PER1: variants seen among roughly 807,000 people sequenced by gnomAD.
PER1 encodes period circadian regulator 1.
In PER1, 87 loss-of-function variants were observed where a neutral mutation model predicts 125.9. The ratio of observed to expected loss-of-function variants is 0.69; its 90% CI spans 0.58 to 0.83. PER1 has a LOEUF of 0.83. Among genes scored for constraint, PER1 ranks in the 40% least tolerant of loss-of-function variants. The pLI is 0.00. For missense variants in PER1, 1,775 were observed against 1,722.8 expected, an observed-to-expected ratio of 1.03 and a Z score of -0.54; for synonymous variants, 801 against 714.7, an observed-to-expected ratio of 1.12 and a Z score of -1.93.
rs962651678 is a variant in PER1, at chr17:8,145,856, C to T, written c.2218+102G>A. The stretch of plus-strand genomic sequence containing the variant: ...CAAGCCCCAGGTCAAGGGAGGCCTC[C>T]TTCTCTCCATCAGGCCCTAGAGGGG... On this transcript the variant is annotated intron_variant, in intron 17 of 22. Coordinates refer to ENST00000317276, the MANE Select transcript of PER1 (RefSeq NM_002616.3). 3.0e-6 allele frequency: 4 copies of T among 1,344,596 alleles called. No individual in the cohort carries two copies. In the African/African-American group the frequency reaches 5.9e-5, roughly 20 times the overall value. 83.3% of individuals were successfully genotyped at this position (1,344,596 alleles called of 1,614,324 possible).
In PER1 at chr17:8,140,793, T is replaced by C. The variant is rs1448569592; in HGVS notation, c.*275A>G. The C allele has an allele frequency of 4.7e-6, 2 of 421,560 alleles. No homozygotes were observed. The highest frequency in any genetic ancestry group is 3.6e-5 in the Admixed American group (1 of 27,854). 26.1% of individuals were successfully genotyped at this position (421,560 alleles called of 1,614,324 possible). A position where few individuals can be genotyped will look rare whatever the true frequency, so the allele number is the denominator to read the frequency against. On this transcript the variant is annotated 3_prime_UTR_variant, in exon 23 of 23. Transcript: ENST00000317276. The stretch of plus-strand genomic sequence containing the variant: ...AATATGGAGAGGCCACTTCAGCAGC[T>C]TGTCAGCAACTTTGTCCAGGGGAGG...
intron 13 of PER1, 76 bp downstream of exon 13, chr17:8,147,174 T>C: frequency 6.5e-7 from 1 of 1,528,398 alleles, no homozygotes; most frequent in Non-Finnish European, 8.9e-7. Flanking sequence ...GGCAAGACTC[T>C]GGGACTGGCA....
chr17:8,146,549 G>C (rs1046236673), intron 15 of PER1, 45 bp downstream of exon 15: 33 of 1,602,568 alleles, frequency 2.1e-5, no homozygotes, highest in Non-Finnish European at 2.6e-5. Flanking sequence ...CTTGGGGTGG[G>C]CAGGGTTAGA....
Position 8,146,367 on chromosome 17 carries a change from T to C in PER1, c.2038+5A>G. The C allele has an allele frequency of 6.3e-7, 1 of 1,596,968 alleles. No homozygotes were observed. Among genetic ancestry groups the C allele is most frequent in the South Asian group, 1.1e-5 (1 of 88,044 alleles). ...CAGTGGGAGCAGGGTGCATTGGATC[T>C]TTACCTTTCTTGGTCCCCACAGAGA... On this transcript the variant is annotated splice_donor_5th_base_variant and intron_variant, in intron 16 of 22. Coordinates refer to ENST00000317276, the MANE Select transcript of PER1 (RefSeq NM_002616.3).
chr17:8,148,811 G>A (rs1982629201), intron 7 of PER1, 25 bp from the exon 8 acceptor site: 1 of 1,611,070 alleles, frequency 6.2e-7, no homozygotes. Flanking sequence ...AGGAGCATTA[G>A]GGACTTTCAA....
chr17:8,149,060 ATG>A (rs1207958077), intron 7 of PER1, 197 bp downstream of exon 7: 2 of 621,322 alleles, frequency 3.2e-6, no homozygotes, highest in South Asian at 3.8e-5. Context: ...GTGGTGGCGC[ATG>A]CCTGTAATCC....
In PER1 at chr17:8,146,431, G is replaced by A. The variant is rs775971325; in HGVS notation, c.1979C>T (p.Ser660Phe). Reference sequence around the variant, plus strand: ...CTGCCTGTCGTCGTCAGAGGCTGAGGAGGTGGTATAGGAGGAGGAGGAGGC... The same window carrying A: ...CTGCCTGTCGTCGTCAGAGGCTGAGAAGGTGGTATAGGAGGAGGAGGAGGC... ...KCASSSSYTT[S>F]SASDDDRQRT... Residue 660 changes from serine (S) to phenylalanine (F), a missense_variant, in exon 16 of 23, where the codon TCC becomes TTC. By Grantham distance (155) the Ser-to-Phe change is radical. Coordinates refer to ENST00000317276, the MANE Select transcript of PER1 (RefSeq NM_002616.3). 1.2e-5 allele frequency: 20 copies of A among 1,613,782 alleles called. No homozygotes were observed. The highest frequency in any genetic ancestry group is 7.7e-5 in the South Asian group (7 of 91,036).
intron 18 of PER1, 135 bp from the exon 19 acceptor site, chr17:8,144,011 G>A (rs570492881): frequency 1.6e-5 from 21 of 1,349,210 alleles, no homozygotes; most frequent in Middle Eastern, 2.6e-4. Context: ...CACACAGAAC[G>A]GGGGACTCAG....
chr17:8,148,916 C>T (rs1428782796), intron 7 of PER1, 130 bp from the exon 8 acceptor site: 19 of 1,061,142 alleles, frequency 1.8e-5, no homozygotes, highest in Middle Eastern at 2.0e-4. Flanking sequence ...AGGCCGGGCA[C>T]GGTGGCTCAC....
chr17:8,144,914 AG>A lies in PER1; in HGVS notation c.2297del (p.Pro766LeufsTer13). On this transcript the variant is annotated frameshift_variant, in exon 18 of 23. Transcript: ENST00000317276. LOFTEE classifies it high-confidence loss of function. ...GACGGTAGGCGTCTGGGGCTGGGTC[AG>A]GGGCTACTGTGGGGCTGGGGGCTGG... ...PSPAPSPTVAPDPAPDAYRPV... is the reference protein window; with the variant it reads ...PSPAPSPTVAXDPAPDAYRPV... 1 of 1,535,458 alleles carries A rather than the reference AG, an allele frequency of 6.5e-7. No homozygotes were observed.
intron 20 of PER1, 94 bp from the exon 21 acceptor site, chr17:8,142,552 C>T: frequency 1.3e-6 from 2 of 1,558,884 alleles, no homozygotes; most frequent in Non-Finnish European, 1.7e-6. Flanking sequence ...ACATGTCCAT[C>T]CCAGTGGCCT....
At chr17:8,149,377 A>G in intron 6 of PER1, 67 bp from the exon 7 acceptor site, 1 of 1,604,354 alleles carries the variant, frequency 6.2e-7, no homozygotes, top group Non-Finnish European at 8.5e-7. Context: ...AGAATCCACT[A>G]AGGGAAAGTC....
chr17:8,147,989 G>A lies in PER1; in HGVS notation c.1234+8C>T, dbSNP rs866281354. On this transcript the variant is annotated splice_region_variant and intron_variant, in intron 10 of 22. Coordinates refer to ENST00000317276, the MANE Select transcript of PER1 (RefSeq NM_002616.3). ...GTGGGAAGGGCGAGCAGGGCGAGAG[G>A]AACTCACTCTTCTTGTGGATAGCCA... The A allele has an allele frequency of 2.5e-6, 4 of 1,608,624 alleles. No individual in the cohort carries two copies. Among genetic ancestry groups the A allele is most frequent in the South Asian group, 1.1e-5 (1 of 90,540 alleles).
chr17:8,147,162 C>A, intron 13 of PER1, 88 bp downstream of exon 13: 1 of 1,498,508 alleles, frequency 6.7e-7, no homozygotes, highest in East Asian at 2.4e-5. Context: ...AAAGGAGGAT[C>A]GGGCAAGACT....
rs1982327032 is a variant in PER1 at position 8,144,896 on chromosome 17, GGCGTCTGGGGCT to G, written c.2304_2315del (p.Ala769_Ala772del). On this transcript the variant is annotated inframe_deletion, in exon 18 of 23. Transcript: ENST00000317276. ...CCTTGGTCAGCCCCACTGGACGGTAGGCGTCTGGGGCTGGGTCAGGGGCTACTGTGGGGCTGG... is the reference window on the plus strand; with the variant it reads ...CCTTGGTCAGCCCCACTGGACGGTAGGGGTCAGGGGCTACTGTGGGGCTGG... 1 of 1,557,184 alleles carries G rather than the reference GGCGTCTGGGGCT, an allele frequency of 6.4e-7. No homozygotes were observed. The highest frequency in any genetic ancestry group is 2.3e-5 in the East Asian group (1 of 43,494).
intron 18 of PER1, chr17:8,144,127 T>C (rs1195172981): frequency 2.0e-6 from 1 of 512,522 alleles, no homozygotes; most frequent in Non-Finnish European, 3.4e-6. Context: ...GAGCTGGGGG[T>C]GTGCGGAAGA....
At chr17:8,142,198 C>T (rs904400300) in intron 21 of PER1, 71 bp downstream of exon 21, 9 of 1,303,718 alleles carry the variant, frequency 6.9e-6, no homozygotes, top group East Asian at 2.3e-5. Context: ...GCAGAGCCAG[C>T]CCCAGAAAAG....
At chr17:8,145,324 C>CTTTT (rs398030276) in intron 17 of PER1, among the ~76,000 whole-genome samples, 1,530 of 125,492 alleles carry the variant, frequency 0.012, 66 homozygotes, top group African/African-American at 0.023. Context: ...TTTCTTGTTT[C>CTTTT]TTTTTTTTTT....
Position 8,147,008 on chromosome 17 carries a change from G to C in PER1, c.1630-6C>G. The C allele has an allele frequency of 1.2e-6, 2 of 1,609,880 alleles. No individual in the cohort carries two copies. The highest frequency in any genetic ancestry group is 2.7e-5 in the African/African-American group (2 of 74,932). ...CAGATCTGCTGGAAAGTCACCTGTG[G>C]GACACAGCACCACAGTGAGCAGAAC... On this transcript the variant is annotated splice_polypyrimidine_tract_variant and splice_region_variant and intron_variant, in intron 13 of 22. Coordinates refer to ENST00000317276, the MANE Select transcript of PER1 (RefSeq NM_002616.3).
Sources: allele counts gnomAD v4.1 joint callset (sites outside exome capture counted in the v4.1 genomes callset), GRCh38; gene constraint gnomAD v4.1.1; transcripts MANE v1.5; gene names NCBI Gene and HGNC (gene_info 2026-07-23, HGNC 2026-07-21).